Variants in CTTN observed in about 807,000 individuals in gnomAD.
The protein encoded by CTTN is src substrate cortactin.
A neutral mutation model predicts 84.0 loss-of-function variants in CTTN; 28 were observed. The ratio of observed to expected loss-of-function variants is 0.33; its 90% CI spans 0.25 to 0.46. The LOEUF (loss-of-function observed/expected upper bound fraction) is 0.46. Among genes scored for constraint, CTTN ranks in the 20% least tolerant of loss-of-function variants. CTTN has a pLI of 1.00. For synonymous variants in CTTN, 301 were observed against 288.8 expected (o/e 1.04, Z -0.43); for missense variants, 641 against 723.8 (o/e 0.89, Z 1.31).
Position 70,420,596 on chromosome 11 carries a change from G to A in CTTN, c.790+86G>A, listed in dbSNP as rs1348600218. Reference sequence around the variant, plus strand: ...GTCAGTTGGTATGTGTTGTGTCTGCGTGTGCCTGCTGCACATTGTTTTGTC... The same window carrying A: ...GTCAGTTGGTATGTGTTGTGTCTGCATGTGCCTGCTGCACATTGTTTTGTC... On this transcript the variant is annotated intron_variant, in intron 10 of 17. Transcript: ENST00000301843. The A allele has an allele frequency of 3.8e-5, 36 of 939,564 alleles. No homozygotes were observed. In the East Asian group the frequency reaches 6.3e-4, roughly 16 times the overall value. 58.2% of individuals were successfully genotyped at this position (939,564 alleles called of 1,614,324 possible).
At position 70,435,327 on chromosome 11, in the gene CTTN, G is replaced by A; in HGVS notation, c.*165G>A. On this transcript the variant is annotated 3_prime_UTR_variant, in exon 18 of 18. Transcript: ENST00000301843. ...CATTGCTTTTATATTTAATACTTTT[G>A]CTGATGCTTTTGAAAATGTTTATGC... 2 of 1,157,840 alleles carry A rather than the reference G, an allele frequency of 1.7e-6. No individual in the cohort carries two copies. The highest frequency in any genetic ancestry group is 2.1e-6 in the Non-Finnish European group (2 of 937,272). The allele number at this position is 1,157,840 out of a possible 1,614,324, so 71.7% of individuals were successfully genotyped here. A position where few individuals can be genotyped will look rare whatever the true frequency, so the allele number is the denominator to read the frequency against.
intron 4 of CTTN, 196 bp downstream of exon 4, chr11:70,407,787 GTA>G: frequency 1.8e-6 from 1 of 559,366 alleles, no homozygotes; most frequent in South Asian, 2.5e-5. Context: ...GTTTATATGT[GTA>G]TATTTAGATA....
In CTTN at chr11:70,429,214, G is replaced by T. The variant is rs758061607; in HGVS notation, c.1176+15G>T. The stretch of plus-strand genomic sequence containing the variant: ...GGAAGCTGGAGGTGAGTGGCAAGGA[G>T]TGGGCCGCAGCGCACCCTCCCTGGG... On this transcript the variant is annotated intron_variant, in intron 14 of 17. Transcript: ENST00000301843. The T allele has an allele frequency of 1.9e-6, 3 of 1,607,104 alleles. No homozygotes were observed. The South Asian group carries it at 3.3e-5, about 18-fold the overall frequency.
chr11:70,411,179 G>A (rs2058092265), intron 5 of CTTN, among the ~76,000 whole-genome samples: 1 of 146,302 alleles, frequency 6.8e-6, no homozygotes, highest in East Asian at 1.9e-4. Context: ...TGCAGCGAGC[G>A]AAGCAAGTGC....
rs867621755 is a variant in CTTN, at chr11:70,436,456, C to T, written c.*1294C>T. ...GCATTTTCTCATCATCCTTGCTTTA[C>T]CACAATGAGCAATGAGGTCGGGTTT... On this transcript the variant is annotated 3_prime_UTR_variant, in exon 18 of 18. Transcript: ENST00000301843. The T allele has an allele frequency of 6.5e-7, 1 of 1,548,814 alleles. No individual in the cohort carries two copies. The highest frequency in any genetic ancestry group is 8.8e-7 in the Non-Finnish European group (1 of 1,137,060).
Position 70,431,285 on chromosome 11 carries a change from G to A in CTTN, c.1266+5G>A. On this transcript the variant is annotated splice_donor_5th_base_variant and intron_variant, in intron 15 of 17. Coordinates refer to ENST00000301843, the MANE Select transcript of CTTN (RefSeq NM_005231.4). ...CCCTCGAGCCCCGTCTATGAGGTTG[G>A]TGTCTTTGGTGTTTGAATGAGCGTG... 6.2e-7 allele frequency: 1 copy of A among 1,614,064 alleles called. No individual in the cohort carries two copies. The highest frequency in any genetic ancestry group is 8.5e-7 in the Non-Finnish European group (1 of 1,179,932).
intron 8 of CTTN, among the ~76,000 whole-genome samples, 169 bp from the exon 9 acceptor site, chr11:70,419,577 G>A (rs1225412654): frequency 6.6e-6 from 1 of 152,134 alleles, no homozygotes; most frequent in African/African-American, 2.4e-5. Flanking sequence ...ACCACTGTTT[G>A]TGTTTCTGTT....
chr11:70,433,282 C>T lies in CTTN; in HGVS notation c.1444+4C>T. 2 of 1,605,066 alleles carry T rather than the reference C, an allele frequency of 1.2e-6. No individual in the cohort carries two copies. Among genetic ancestry groups the T allele is most frequent in the East Asian group, 2.2e-5 (1 of 44,732 alleles). On this transcript the variant is annotated splice_donor_region_variant and intron_variant, in intron 16 of 17. Transcript: ENST00000301843. ...GCCCCGGGCCACTATCCCGCAGGTACTGGGGCCCCACGCTGCAGCGCCCTG... is the reference window on the plus strand; with the variant it reads ...GCCCCGGGCCACTATCCCGCAGGTATTGGGGCCCCACGCTGCAGCGCCCTG...
chr11:70,413,011 C>T lies in CTTN; in HGVS notation c.292-1531C>T, dbSNP rs76512853. Among the ~76,000 whole-genome samples the T allele has an allele frequency of 1.4e-3, 214 of 152,260 alleles. 1 individual carries two copies. The East Asian group carries it at 0.031, about 22-fold the overall frequency. On this transcript the variant is annotated intron_variant, in intron 5 of 17. Coordinates refer to ENST00000301843, the MANE Select transcript of CTTN (RefSeq NM_005231.4). ...CATCTCTGTTTTCTGGGTGAGACCC[C>T]GGAGGACACGGATGGGCAGTCTCTG...
At chr11:70,427,583 C>G (rs143742743) in intron 13 of CTTN, among the ~76,000 whole-genome samples, 1 of 152,238 alleles carries the variant, frequency 6.6e-6, no homozygotes, top group Non-Finnish European at 1.5e-5. Context: ...TTGAGGGCAG[C>G]GTGGGTGTCC....
intron 9 of CTTN, 87 bp downstream of exon 9, chr11:70,419,943 A>T (rs755599050): frequency 1.0e-6 from 1 of 985,954 alleles, no homozygotes; most frequent in Non-Finnish European, 1.6e-6. Context: ...ACAAAGCGTT[A>T]TTGATAGCCC....
chr11:70,410,167 G>C lies in CTTN; in HGVS notation c.291+207G>C, dbSNP rs542276581. Reference sequence around the variant, plus strand: ...TCAAAGCTCTTTAGGAATCCTCAGAGGTGCTGGAGCACGGGTGTTAGTGGG... The same window carrying C: ...TCAAAGCTCTTTAGGAATCCTCAGACGTGCTGGAGCACGGGTGTTAGTGGG... On this transcript the variant is annotated intron_variant, in intron 5 of 17. Transcript: ENST00000301843. 115 of 521,210 alleles carry C rather than the reference G, an allele frequency of 2.2e-4. 2 individuals are homozygous for C. In the South Asian group the frequency reaches 2.8e-3, roughly 13 times the overall value. The allele number at this position is 521,210 out of a possible 1,614,324, so 32.3% of individuals were successfully genotyped here. A position where few individuals can be genotyped will look rare whatever the true frequency, so the allele number is the denominator to read the frequency against.
In CTTN at chr11:70,416,994, T is replaced by C; in HGVS notation, c.458-19T>C. On this transcript the variant is annotated intron_variant, in intron 7 of 17. Coordinates refer to ENST00000301843, the MANE Select transcript of CTTN (RefSeq NM_005231.4). ...TTCGTCCTCAGGCCCCCGTGCTAAT[T>C]GCTGCCCTGTCTCTCCAGACTACTC... The C allele has an allele frequency of 6.3e-7, 1 of 1,598,792 alleles. No individual in the cohort carries two copies. The highest frequency in any genetic ancestry group is 8.6e-7 in the Non-Finnish European group (1 of 1,165,976).
chr11:70,407,750 A>G (rs2058059279), intron 4 of CTTN, 159 bp downstream of exon 4: 1 of 611,772 alleles, frequency 1.6e-6, no homozygotes, highest in Non-Finnish European at 2.9e-6. Context: ...AGACACACAC[A>G]TATATGTGTA....
chr11:70,418,823 C>G (rs1238573235), intron 8 of CTTN, among the ~76,000 whole-genome samples: 1 of 149,138 alleles, frequency 6.7e-6, no homozygotes, highest in East Asian at 2.0e-4. Flanking sequence ...TCTCGCCAGG[C>G]TGGAGTGCAG....
intron 10 of CTTN, 148 bp downstream of exon 10, chr11:70,420,658 C>A (rs879648029): frequency 3.0e-6 from 2 of 666,976 alleles, no homozygotes; most frequent in Admixed American, 2.1e-5. Flanking sequence ...CCCCCCCAAT[C>A]CCCCAGTTCC....
chr11:70,436,541 A>C lies in CTTN; in HGVS notation c.*1379A>C. ...ACACCTCATAGGTATGATTTTTTTA[A>C]ATTAAAGAATTCAGAATAAACATTT... On this transcript the variant is annotated 3_prime_UTR_variant, in exon 18 of 18. Transcript: ENST00000301843. The C allele has an allele frequency of 1.3e-6, 1 of 758,588 alleles. No homozygotes were observed. The highest frequency in any genetic ancestry group is 1.8e-5 in the South Asian group (1 of 56,052). The allele number at this position is 758,588 out of a possible 1,614,324, so 47.0% of individuals were successfully genotyped here.
chr11:70,432,840 T>C (rs145835216), intron 15 of CTTN, among the ~76,000 whole-genome samples: 2 of 152,066 alleles, frequency 1.3e-5, no homozygotes, highest in South Asian at 2.1e-4. Context: ...CCTAACCTGC[T>C]GTGTGGGCGT....
Position 70,421,499 on chromosome 11 carries a change from G to A in CTTN, c.820G>A (p.Gly274Ser), listed in dbSNP as rs752325787. 4.5e-5 allele frequency: 73 copies of A among 1,613,818 alleles called. 2 individuals carry two copies. Among genetic ancestry groups the A allele is most frequent in the South Asian group, 2.4e-4 (22 of 91,076 alleles). Residue 274 changes from glycine to serine, a missense_variant, in exon 11 of 18, where the codon GGT (glycine) becomes AGT (serine). Gly to Ser is a moderately conservative substitution (Grantham distance 56). Coordinates refer to ENST00000301843, the MANE Select transcript of CTTN (RefSeq NM_005231.4). ...TAAGACTGGTTTTGGAGGCAAATTC[G>A]GTGTTCAGTCGGAGAGGCAGGACTC... ...DYKTGFGGKF[G>S]VQSERQDSAA...
Sources: allele counts gnomAD v4.1 joint callset (sites outside exome capture counted in the v4.1 genomes callset), GRCh38; gene constraint gnomAD v4.1.1; transcripts MANE v1.5; gene names NCBI Gene and HGNC (gene_info 2026-07-23, HGNC 2026-07-21).